The following PCNX2 variants were observed in gnomAD, a reference collection of about 807,000 sequenced individuals.
The protein encoded by PCNX2 is pecanex-like protein 2.
Under a neutral mutation model 223.8 loss-of-function variants are expected in PCNX2, and 168 were observed. The ratio of observed to expected loss-of-function variants is 0.75; its 90% CI spans 0.66 to 0.85. The LOEUF is 0.85. PCNX2 is among the 40% of genes least tolerant of loss of function. PCNX2 has a pLI of 0.00. For missense variants in PCNX2, 2,507 were observed against 2,675.5 expected (o/e 0.94, Z 1.39); for synonymous variants, 1,006 against 1,052.6 (o/e 0.96, Z 0.86).
chr1:233,259,394 G>A (rs909373197), intron 4 of PCNX2, 50 bp from the exon 5 acceptor site: 1 of 1,519,652 alleles, frequency 6.6e-7, no homozygotes, highest in Non-Finnish European at 8.8e-7. Context: ...AATGAGTAAT[G>A]CCCAAGAGCA....
At chr1:233,149,090 C>T (rs1677640806) in intron 19 of PCNX2, among the ~76,000 whole-genome samples, 2 of 152,264 alleles carry the variant, frequency 1.3e-5, no homozygotes, top group South Asian at 4.2e-4. Context: ...TTTGTAACTG[C>T]CTTTCTGTAA....
At chr1:233,074,246 T>C (rs1249615092) in intron 23 of PCNX2, among the ~76,000 whole-genome samples, 1 of 152,206 alleles carries the variant, frequency 6.6e-6, no homozygotes. Flanking sequence ...GAATAGTTTA[T>C]GTACGCTTGA....
Position 232,999,149 on chromosome 1 carries a change from G to C in PCNX2, c.5559C>G (p.Ile1853Met), listed in dbSNP as rs562047896. The C allele has an allele frequency of 1.6e-5, 26 of 1,613,788 alleles. No individual in the cohort carries two copies. Among genetic ancestry groups the C allele is most frequent in the Middle Eastern group, 1.7e-4 (1 of 6,060 alleles). Residue 1853 changes from isoleucine to methionine, a missense_variant, in exon 31 of 34, where the codon ATC becomes ATG. Coordinates refer to ENST00000258229, the MANE Select transcript of PCNX2 (RefSeq NM_014801.4). ...ACCAGGTCCTAATTCTGTCCAAAGTGATGGGTCCACCCCAGATGTTCTTCA... is the reference window on the plus strand; with the variant it reads ...ACCAGGTCCTAATTCTGTCCAAAGTCATGGGTCCACCCCAGATGTTCTTCA... Reference protein sequence around the residue: ...RQLKNIWGGPITLDRIRTWFW... With the variant: ...RQLKNIWGGPMTLDRIRTWFW...
At position 233,252,937 on chromosome 1, in the gene PCNX2, T is replaced by G. The variant is rs981945337; in HGVS notation, c.1835-149A>C. ...AAAGGCTTTTAAATAATTTTTCATT[T>G]TTTTAATTATGGAAGTACCTACATA... On this transcript the variant is annotated intron_variant, in intron 5 of 33. Coordinates refer to ENST00000258229, the MANE Select transcript of PCNX2 (RefSeq NM_014801.4). 15 of 843,898 alleles carry G rather than the reference T, an allele frequency of 1.8e-5. No homozygotes were observed. The African/African-American group carries it at 2.2e-4, about 13-fold the overall frequency. The allele number at this position is 843,898 out of a possible 1,614,324, so 52.3% of individuals were successfully genotyped here.
chr1:233,238,046 G>C (rs1286606082), intron 8 of PCNX2, among the ~76,000 whole-genome samples: 1 of 152,210 alleles, frequency 6.6e-6, no homozygotes, highest in Non-Finnish European at 1.5e-5. Flanking sequence ...ACAAACTTGA[G>C]TACTGGAGAG....
At chr1:233,308,800 T>TA in the PCNX2 span, among the ~76,000 whole-genome samples, 3 of 151,912 alleles carry the variant, frequency 2.0e-5, no homozygotes, top group African/African-American at 7.2e-5. Context: ...AACAAAATAA[T>TA]AAAAAAACAC....
intron 20 of PCNX2, among the ~76,000 whole-genome samples, chr1:233,138,869 T>A (rs574643067): frequency 6.6e-6 from 1 of 152,340 alleles, no homozygotes; most frequent in East Asian, 1.9e-4. Context: ...AGTATTAAAA[T>A]GCCTTTTATC....
intron 15 of PCNX2, among the ~76,000 whole-genome samples, chr1:233,187,550 C>G (rs971126245): frequency 2.0e-5 from 3 of 152,304 alleles, no homozygotes; most frequent in East Asian, 3.9e-4. Context: ...CCAAAACCCC[C>G]AAGTCCAAAT....
chr1:233,313,949 A>G, the PCNX2 span, among the ~76,000 whole-genome samples: 1 of 152,218 alleles, frequency 6.6e-6, no homozygotes, highest in African/African-American at 2.4e-5. Context: ...CCATTTAGCC[A>G]CATCTGTCAA....
intron 25 of PCNX2, chr1:233,033,333 G>A (rs1004933666): frequency 8.7e-6 from 3 of 343,092 alleles, no homozygotes; most frequent in Non-Finnish European, 1.2e-5. Context: ...TGAGAGGTAA[G>A]AAAAATACGA....
rs980322538 is a variant in PCNX2 at position 233,002,101 on chromosome 1, C to T, written c.4953-420G>A. 2.6e-5 allele frequency among the ~76,000 whole-genome samples: 4 copies of T among 152,138 alleles called. No homozygotes were observed. In the East Asian group the frequency reaches 7.7e-4, roughly 29 times the overall value. ...TAATGCAGGAGACTTTCTTCTTCTT[C>T]TTTGCATTTCTATGTATCATTCTGG... On this transcript the variant is annotated intron_variant, in intron 28 of 33. Coordinates refer to ENST00000258229, the MANE Select transcript of PCNX2 (RefSeq NM_014801.4).
At chr1:233,148,736 C>T (rs564879675) in intron 19 of PCNX2, among the ~76,000 whole-genome samples, 1 of 152,298 alleles carries the variant, frequency 6.6e-6, no homozygotes, top group South Asian at 2.1e-4. Flanking sequence ...ATCTTAGAAT[C>T]CTCCTACCAA....
chr1:233,146,921 C>T (rs1677486466), intron 19 of PCNX2, among the ~76,000 whole-genome samples: 1 of 152,188 alleles, frequency 6.6e-6, no homozygotes, highest in East Asian at 1.9e-4. Context: ...GGATTTACCA[C>T]AGGTCATGGC....
chr1:233,137,011 G>T (rs1676842764), intron 20 of PCNX2, among the ~76,000 whole-genome samples: 1 of 152,192 alleles, frequency 6.6e-6, no homozygotes, highest in African/African-American at 2.4e-5. Flanking sequence ...GGACTCATGT[G>T]CATGGCCTTT....
intron 32 of PCNX2, among the ~76,000 whole-genome samples, chr1:232,989,476 CTT>C (rs1669620076): frequency 6.6e-6 from 1 of 152,062 alleles, no homozygotes; most frequent in South Asian, 2.1e-4. Flanking sequence ...ACTGCTCACT[CTT>C]TGCTACTTGG....
Position 232,987,775 on chromosome 1 carries a change from C to T in PCNX2, c.5792-1235G>A, listed in dbSNP as rs562066215. Among the ~76,000 whole-genome samples the T allele has an allele frequency of 3.3e-5, 5 of 152,352 alleles. No individual in the cohort carries two copies. In the South Asian group the frequency reaches 1.0e-3, roughly 32 times the overall value. The stretch of plus-strand genomic sequence containing the variant: ...TCCTTCCAGCCCCACCCCACCCCAC[C>T]GTGGCCTAGGCTGAAGGGGCCTTTC... On this transcript the variant is annotated intron_variant, in intron 32 of 33. Transcript: ENST00000258229.
intron 10 of PCNX2, among the ~76,000 whole-genome samples, chr1:233,221,892 CAAAGG>C (rs1657400949): frequency 6.6e-6 from 1 of 152,174 alleles, no homozygotes; most frequent in Non-Finnish European, 1.5e-5. Context: ...AGCCAATTTG[CAAAGG>C]AAAATTGGTT....
chr1:233,316,490 CAG>C, the PCNX2 span, among the ~76,000 whole-genome samples: 2 of 152,104 alleles, frequency 1.3e-5, no homozygotes, highest in African/African-American at 4.8e-5. Flanking sequence ...ACCAGAGAAG[CAG>C]AGTCAAGAGA....
chr1:233,175,388 TTA>T (rs1679422743), intron 17 of PCNX2, among the ~76,000 whole-genome samples: 1 of 152,224 alleles, frequency 6.6e-6, no homozygotes, highest in African/African-American at 2.4e-5. Context: ...TCACATCTAA[TTA>T]TACCAATGAA....
Sources: allele counts gnomAD v4.1 joint callset (sites outside exome capture counted in the v4.1 genomes callset), GRCh38; gene constraint gnomAD v4.1.1; transcripts MANE v1.5; gene names NCBI Gene and HGNC (gene_info 2026-07-23, HGNC 2026-07-21).